The following WASHC4 variants were observed in gnomAD, a reference collection of about 807,000 sequenced individuals.
WASHC4 encodes WASH complex subunit 4.
WASHC4 carries 86 observed loss-of-function variants against 166.6 expected under a neutral mutation model. The ratio of observed to expected loss-of-function variants is 0.52; its 90% CI spans 0.43 to 0.62. The LOEUF (loss-of-function observed/expected upper bound fraction) is 0.62, where lower values mean the gene tolerates loss of function less well. WASHC4 is among the 20% of genes least tolerant of loss of function. The pLI, the probability that WASHC4 is intolerant of heterozygous loss-of-function variation, is 0.00. For synonymous variants in WASHC4, 446 were observed against 451.6 expected, an observed-to-expected ratio of 0.99 and a Z score of 0.16; for missense variants, 1,262 against 1,382.4, an observed-to-expected ratio of 0.91 and a Z score of 1.38.
At chr12:105,129,380 G>A (rs996276453) in intron 13 of WASHC4, among the ~76,000 whole-genome samples, 1 of 152,134 alleles carries the variant, frequency 6.6e-6, no homozygotes, top group East Asian at 1.9e-4. Flanking sequence ...CATCACACCA[G>A]GCCTCTTTTT....
Position 105,157,363 on chromosome 12 carries a change from A to G in WASHC4, c.2912+41A>G, listed in dbSNP as rs765260409. 2.6e-6 allele frequency: 3 copies of G among 1,153,308 alleles called. No individual in the cohort carries two copies. The East Asian group carries it at 7.1e-5, about 27-fold the overall frequency. 71.4% of individuals were successfully genotyped at this position (1,153,308 alleles called of 1,614,324 possible). ...AAATATAAAAAAGTGTGTTTATAAA[A>G]AACATTCTGAAGAGAAGACCAGAGG... On this transcript the variant is annotated intron_variant, in intron 28 of 32. Coordinates refer to ENST00000332180, the MANE Select transcript of WASHC4 (RefSeq NM_015275.3).
rs774844299 is a variant in WASHC4, at chr12:105,144,425, C to G, written c.2149C>G (p.Arg717Gly). Reference sequence around the variant, plus strand: ...TCTTTTTTTCTCTCTGAATCCAATTCGGTTTTTCAATCGTTTCATTGACAT... The same window carrying G: ...TCTTTTTTTCTCTCTGAATCCAATTGGGTTTTTCAATCGTTTCATTGACAT... ...LALFFSLNPI[R>G]FFNRFIDIRA... Residue 717 changes from arginine (R) to glycine (G), a missense_variant, in exon 21 of 33, where the codon CGG becomes GGG. Coordinates refer to ENST00000332180, the MANE Select transcript of WASHC4 (RefSeq NM_015275.3). 1 of 1,612,352 alleles carries G rather than the reference C, an allele frequency of 6.2e-7. No individual in the cohort carries two copies. Among genetic ancestry groups the G allele is most frequent in the Non-Finnish European group, 8.5e-7 (1 of 1,179,314 alleles).
chr12:105,151,493 T>C (rs1883772390), intron 25 of WASHC4, among the ~76,000 whole-genome samples: 1 of 152,132 alleles, frequency 6.6e-6, no homozygotes, highest in African/African-American at 2.4e-5. Flanking sequence ...AACTCTTTTT[T>C]TTTTTTGAGA....
intron 13 of WASHC4, among the ~76,000 whole-genome samples, chr12:105,131,472 T>C (rs1319034300): frequency 6.6e-6 from 1 of 152,262 alleles, no homozygotes; most frequent in Non-Finnish European, 1.5e-5. Context: ...TAAAAGCCTC[T>C]GCATTATCCT....
chr12:105,161,677 TA>T (rs1445290992), intron 29 of WASHC4, among the ~76,000 whole-genome samples: 1 of 152,248 alleles, frequency 6.6e-6, no homozygotes, highest in Non-Finnish European at 1.5e-5. Flanking sequence ...ATGAGATTTC[TA>T]AAAAAGATTG....
In WASHC4 at chr12:105,107,874, C is replaced by T; in HGVS notation, c.61+13C>T. The T allele has an allele frequency of 6.5e-7, 1 of 1,542,958 alleles. No individual in the cohort carries two copies. On this transcript the variant is annotated intron_variant, in intron 1 of 32. Coordinates refer to ENST00000332180, the MANE Select transcript of WASHC4 (RefSeq NM_015275.3). Reference sequence around the variant, plus strand: ...GACGGCTCGCAGAGTAAGGGAGCTGCAGGGCGAGGGCTGCGGGTGGACGCT... The same window carrying T: ...GACGGCTCGCAGAGTAAGGGAGCTGTAGGGCGAGGGCTGCGGGTGGACGCT...
intron 15 of WASHC4, among the ~76,000 whole-genome samples, chr12:105,139,228 A>G (rs2135786244): frequency 6.6e-6 from 1 of 151,454 alleles, no homozygotes; most frequent in Non-Finnish European, 1.5e-5. Context: ...TAGTGGATAG[A>G]CTTCGGGTTG....
chr12:105,148,321 A>G, intron 24 of WASHC4: 1 of 985,406 alleles, frequency 1.0e-6, no homozygotes, highest in Non-Finnish European at 1.2e-6. Flanking sequence ...TTTTGAGAGT[A>G]AACTCTTCCT....
At chr12:105,109,050 C>A (rs1201341574) in intron 1 of WASHC4, among the ~76,000 whole-genome samples, 6 of 152,118 alleles carry the variant, frequency 3.9e-5, no homozygotes, top group Non-Finnish European at 2.9e-5. Flanking sequence ...GCAGGAGAAT[C>A]GCTTGAACCC....
chr12:105,152,420 T>C lies in WASHC4; in HGVS notation c.2727T>C (p.Leu909=). The change falls in exon 26 of 33, where the codon CTT becomes CTC. Residue 909 remains leucine (L), a synonymous_variant. Transcript: ENST00000332180. ...LGVTPEGQSY[L]DQFRQLISQI... ...TAACACCTGAGGGACAGAGCTACCT[T>C]GATCAATTCAGGCAACTCATCAGCC... The C allele has an allele frequency of 6.2e-7, 1 of 1,602,356 alleles. No homozygotes were observed.
chr12:105,146,703 G>T (rs934928509), intron 23 of WASHC4, among the ~76,000 whole-genome samples, 177 bp downstream of exon 23: 3 of 152,012 alleles, frequency 2.0e-5, no homozygotes, highest in African/African-American at 7.2e-5. Flanking sequence ...TATTCGAAAT[G>T]TTTAGGACAA....
In WASHC4 at chr12:105,142,471, CTG is replaced by C. The variant is rs780208235; in HGVS notation, c.1808_1809del (p.Cys603LeufsTer16). ...LRERVQTQCD[C>X]CFLYWHRAVF... ...ATTGTAGAGTCCAAACACAATGTGA[CTG>C]TTGTTTTTTATACTGGCATCGAGCT... On this transcript the variant is annotated frameshift_variant, in exon 19 of 33. Coordinates refer to ENST00000332180, the MANE Select transcript of WASHC4 (RefSeq NM_015275.3). LOFTEE classifies it high-confidence loss of function. 1.9e-6 allele frequency: 3 copies of C among 1,606,208 alleles called. No homozygotes were observed. Among genetic ancestry groups the C allele is most frequent in the Non-Finnish European group, 2.6e-6 (3 of 1,173,618 alleles).
intron 13 of WASHC4, among the ~76,000 whole-genome samples, chr12:105,131,085 T>A (rs1454342462): frequency 4.1e-5 from 6 of 147,786 alleles, no homozygotes; most frequent in African/African-American, 1.5e-4. Flanking sequence ...TTTATTTATT[T>A]TTTTTTTTTT....
chr12:105,164,999 A>G (rs1269545001), intron 32 of WASHC4, among the ~76,000 whole-genome samples: 1 of 152,210 alleles, frequency 6.6e-6, no homozygotes, highest in Non-Finnish European at 1.5e-5. Context: ...ATTTAAATAC[A>G]CTTTTCACAA....
At chr12:105,147,338 C>T (rs532108678) in intron 24 of WASHC4, 192 bp downstream of exon 24, 4 of 584,198 alleles carry the variant, frequency 6.8e-6, no homozygotes, top group Non-Finnish European at 1.2e-5. Flanking sequence ...AGCTGTGATA[C>T]AAAAGACACT....
chr12:105,122,140 A>C lies in WASHC4; in HGVS notation c.688A>C (p.Asn230His), dbSNP rs1565998731. The C allele has an allele frequency of 6.2e-7, 1 of 1,605,010 alleles. No homozygotes were observed. Among genetic ancestry groups the C allele is most frequent in the Non-Finnish European group, 8.5e-7 (1 of 1,172,246 alleles). The change falls in exon 10 of 33, where the codon AAT becomes CAT. Residue 230 changes from asparagine (N) to histidine (H), a missense_variant. Transcript: ENST00000332180. ...YKRLLKSVHH[N>H]PSKFGIQEEK... Reference sequence around the variant, plus strand: ...AAGGTTACTGAAATCTGTCCATCACAATCCTTCAAAATTTGGAATTCAGGA... The same window carrying C: ...AAGGTTACTGAAATCTGTCCATCACCATCCTTCAAAATTTGGAATTCAGGA...
chr12:105,140,187 A>G (rs1236868031), intron 15 of WASHC4, 107 bp from the exon 16 acceptor site: 4 of 833,986 alleles, frequency 4.8e-6, no homozygotes, highest in Admixed American at 1.8e-5. Context: ...GTTTTTTTGT[A>G]TCTCATTTAC....
intron 25 of WASHC4, among the ~76,000 whole-genome samples, chr12:105,151,090 A>T (rs1041497008): frequency 7.2e-6 from 1 of 138,258 alleles, no homozygotes; most frequent in African/African-American, 2.7e-5. Context: ...GGTTGCAGTG[A>T]GCCGAGATAA....
chr12:105,121,157 TATTGATA>T lies in WASHC4; in HGVS notation c.621_627del (p.Asp208IlefsTer4). ...CAGTTTTGCTCACCCTGGATGAAAT[TATTGATA>T]ATCATATCACACTGAAAGACCACTG... On this transcript the variant is annotated frameshift_variant, in exon 9 of 33. Transcript: ENST00000332180. LOFTEE classifies it high-confidence loss of function. The T allele has an allele frequency of 6.2e-7, 1 of 1,612,322 alleles. No homozygotes were observed. The highest frequency in any genetic ancestry group is 8.5e-7 in the Non-Finnish European group (1 of 1,178,740).
Sources: allele counts gnomAD v4.1 joint callset (sites outside exome capture counted in the v4.1 genomes callset), GRCh38; gene constraint gnomAD v4.1.1; transcripts MANE v1.5; gene names NCBI Gene and HGNC (gene_info 2026-07-23, HGNC 2026-07-21).